The following NAPEPLD variants were observed in gnomAD, a reference collection of about 807,000 sequenced individuals.
NAPEPLD encodes the protein N-acyl-phosphatidylethanolamine-hydrolyzing phospholipase D.
Under a neutral mutation model 38.1 loss-of-function variants are expected in NAPEPLD, and 23 were observed. The observed-to-expected ratio is 0.60, with a 90% CI of 0.43 to 0.86. NAPEPLD has a LOEUF of 0.86. NAPEPLD is among the 40% of genes least tolerant of loss of function. The pLI is 0.00. For missense variants in NAPEPLD, 411 were observed against 476.8 expected, an observed-to-expected ratio of 0.86 and a Z score of 1.28; for synonymous variants, 147 against 162.0, an observed-to-expected ratio of 0.91 and a Z score of 0.71.
upstream of NAPEPLD, chr7:103,149,529 A>G (rs1183726714): frequency 8.0e-7 from 1 of 1,249,180 alleles, no homozygotes. Flanking sequence ...TGACCTTCGA[A>G]TCTGACAGCA....
intron 1 of NAPEPLD, among the ~76,000 whole-genome samples, chr7:103,140,538 G>T (rs1009038180): frequency 9.9e-5 from 15 of 151,984 alleles, no homozygotes; most frequent in East Asian, 1.9e-4. Flanking sequence ...GACTACAGGA[G>T]CCCGCCACCA....
chr7:103,135,485 G>A (rs1310371659), intron 1 of NAPEPLD, among the ~76,000 whole-genome samples: 4 of 152,166 alleles, frequency 2.6e-5, no homozygotes, highest in Non-Finnish European at 5.9e-5. Flanking sequence ...GATAATAAGA[G>A]GGAGAATGTT....
At chr7:103,103,697 G>A in intron 4 of NAPEPLD, 143 bp from the exon 5 acceptor site, 1 of 788,954 alleles carries the variant, frequency 1.3e-6, no homozygotes. Flanking sequence ...TAGCAAATGG[G>A]TCTATCACAT....
intron 1 of NAPEPLD, among the ~76,000 whole-genome samples, chr7:103,139,865 G>A (rs1203277768): frequency 1.3e-5 from 2 of 152,168 alleles, no homozygotes; most frequent in Non-Finnish European, 1.5e-5. Flanking sequence ...TCAGAGTGAG[G>A]CTAGAGATAT....
intron 2 of NAPEPLD, among the ~76,000 whole-genome samples, chr7:103,120,809 G>T (rs1806542669): frequency 7.8e-6 from 1 of 128,302 alleles, no homozygotes; most frequent in South Asian, 2.8e-4. Context: ...AACCCCCCAG[G>T]GTCAAGTGAT....
chr7:103,128,292 G>T, intron 2 of NAPEPLD, 191 bp downstream of exon 2: 1 of 621,126 alleles, frequency 1.6e-6, no homozygotes, highest in Non-Finnish European at 2.7e-6. Context: ...ACCTCTAGTT[G>T]CCACCAGATC....
chr7:103,132,744 C>G (rs755971035), intron 1 of NAPEPLD, among the ~76,000 whole-genome samples: 1 of 152,094 alleles, frequency 6.6e-6, no homozygotes, highest in African/African-American at 2.4e-5. Flanking sequence ...GTTATCATGC[C>G]ACTGCACTCC....
intron 1 of NAPEPLD, among the ~76,000 whole-genome samples, chr7:103,139,649 C>T (rs1810806144): frequency 6.6e-6 from 1 of 152,186 alleles, no homozygotes; most frequent in Non-Finnish European, 1.5e-5. Context: ...GTTACTTGAA[C>T]CCTGATTCAC....
At chr7:103,109,183 G>C (rs1180359612) in intron 4 of NAPEPLD, among the ~76,000 whole-genome samples, 1 of 152,114 alleles carries the variant, frequency 6.6e-6, no homozygotes, top group Non-Finnish European at 1.5e-5. Context: ...AGATCAACGA[G>C]ACAGAAAATT....
At chr7:103,142,809 A>G (rs7782147) in intron 1 of NAPEPLD, among the ~76,000 whole-genome samples, 136,967 of 152,240 alleles carry the variant, frequency 0.9, 63,407 homozygotes, top group East Asian at 1. Flanking sequence ...ACTCTTCATT[A>G]GGATACAGTT....
At chr7:103,120,705 T>TTTC (rs1219834686) in intron 2 of NAPEPLD, among the ~76,000 whole-genome samples, 1 of 81,574 alleles carries the variant, frequency 1.2e-5, no homozygotes, top group Non-Finnish European at 2.5e-5. Flanking sequence ...ATTTTTCTTT[T>TTTC]TTTTTTTTTT....
chr7:103,120,241 G>T lies in NAPEPLD; in HGVS notation c.295-18C>A. 1 of 1,593,488 alleles carries T rather than the reference G, an allele frequency of 6.3e-7. No individual in the cohort carries two copies. Among genetic ancestry groups the T allele is most frequent in the Non-Finnish European group, 8.5e-7 (1 of 1,169,842 alleles). On this transcript the variant is annotated intron_variant, in intron 2 of 4. Coordinates refer to ENST00000465647, the MANE Select transcript of NAPEPLD (RefSeq NM_001122838.3). ...TCTAGTTCCTTTGTGTATAAAGAAA[G>T]CAAGACAAAAGAGTAGTTAGAAAAA...
At chr7:103,122,878 C>T (rs1402107353) in intron 2 of NAPEPLD, among the ~76,000 whole-genome samples, 7 of 152,224 alleles carry the variant, frequency 4.6e-5, no homozygotes. Context: ...TCAAAAACAG[C>T]CAACTTAAGG....
In NAPEPLD at chr7:103,143,976, C is replaced by A. The variant is rs574670697; in HGVS notation, c.-17+4835G>T. Among the ~76,000 whole-genome samples, 56 of 152,312 alleles carry A rather than the reference C, an allele frequency of 3.7e-4. 1 individual carries two copies. In the South Asian group the frequency reaches 0.01, roughly 28 times the overall value. On this transcript the variant is annotated intron_variant, in intron 1 of 4. Coordinates refer to ENST00000465647, the MANE Select transcript of NAPEPLD (RefSeq NM_001122838.3). ...GGGATTACAGACAGGAGCCACGGCA[C>A]CTGGTCCATTTATCATTTACTAAGC...
intron 1 of NAPEPLD, among the ~76,000 whole-genome samples, chr7:103,131,451 G>C (rs1042702320): frequency 1.3e-5 from 2 of 152,118 alleles, no homozygotes; most frequent in Non-Finnish European, 2.9e-5. Context: ...CTGAGACAAG[G>C]AGTTCAAGAT....
At chr7:103,117,977 G>A (rs1416615838) in intron 3 of NAPEPLD, among the ~76,000 whole-genome samples, 3 of 152,316 alleles carry the variant, frequency 2.0e-5, no homozygotes, top group Non-Finnish European at 4.4e-5. Context: ...GAGGTCAGGA[G>A]TTCAAAACCA....
upstream of NAPEPLD, chr7:103,149,160 G>A (rs1352765743): frequency 9.1e-6 from 9 of 991,136 alleles, no homozygotes; most frequent in African/African-American, 3.5e-5. Flanking sequence ...CACAGCAGGC[G>A]GGAGAAAACC....
chr7:103,116,903 G>A (rs1384816443), intron 3 of NAPEPLD, among the ~76,000 whole-genome samples: 1 of 152,188 alleles, frequency 6.6e-6, no homozygotes. Context: ...ACAAGACAAG[G>A]CTTAGGAAAG....
chr7:103,149,682 ACT>A (rs757746448), upstream of NAPEPLD: 12 of 275,192 alleles, frequency 4.4e-5, no homozygotes, highest in Middle Eastern at 5.6e-3. Flanking sequence ...CGACTCAAAC[ACT>A]CTGCAGGGAC....
Sources: gnomAD v4.1 joint callset for allele counts (sites outside exome capture counted in the v4.1 genomes callset) on GRCh38, gnomAD v4.1.1 for gene constraint, MANE v1.5 for transcripts, NCBI Gene and HGNC (gene_info 2026-07-23, HGNC 2026-07-21) for gene names.